The following PPARA variants were observed in gnomAD, a reference collection of about 807,000 sequenced individuals.
PPARA encodes the protein peroxisome proliferator-activated receptor alpha.
Under a neutral mutation model 42.2 loss-of-function variants are expected in PPARA, and 22 were observed. That is an observed-to-expected ratio of 0.52 (90% CI 0.37 to 0.74). The LOEUF is 0.74. Among genes scored for constraint, PPARA ranks in the 30% least tolerant of loss-of-function variants. PPARA has a pLI of 0.00. For missense variants in PPARA, 465 were observed against 608.2 expected (o/e 0.76, Z 2.48); for synonymous variants, 242 against 239.3 (o/e 1.01, Z -0.10).
At position 46,242,601 on chromosome 22, in the gene PPARA, G is replaced by A. The variant is rs1936401648; in HGVS notation, c.*7221G>A. 6.6e-6 allele frequency: 1 copy of A among 152,520 alleles called. No individual in the cohort carries two copies. The highest frequency in any genetic ancestry group is 1.5e-5 in the Non-Finnish European group (1 of 68,018). The allele number at this position is 152,520 out of a possible 1,614,324, so 9.4% of individuals were successfully genotyped here. ...TAACTTACAATCACTCATTTAATAA[G>A]AAACATTTGGATTCTTTTGAAATCA... On this transcript the variant is annotated 3_prime_UTR_variant, in exon 9 of 9. Coordinates refer to ENST00000407236, the MANE Select transcript of PPARA (RefSeq NM_005036.6). This position sits in a 1 kb window ranked among gnomAD's most constrained non-coding sequence, Gnocchi z 6.1.
rs949328033 is a variant in PPARA at position 46,204,726 on chromosome 22, A to G, written c.208+6135A>G. Among the ~76,000 whole-genome samples, 1 of 152,130 alleles carries G rather than the reference A, an allele frequency of 6.6e-6. No individual in the cohort carries two copies. Among genetic ancestry groups the G allele is most frequent in the Non-Finnish European group, 1.5e-5 (1 of 68,024 alleles). On this transcript the variant is annotated intron_variant, in intron 4 of 8. Coordinates refer to ENST00000407236, the MANE Select transcript of PPARA (RefSeq NM_005036.6). The surrounding 1 kb of genome is among the most constrained non-coding windows in gnomAD (Gnocchi z 5.2). The stretch of plus-strand genomic sequence containing the variant: ...TTGAGTTGCTTTTCTACTATTCACT[A>G]TTGAACACTATTTATATATTTTGAA...
Position 46,200,674 on chromosome 22 carries a change from G to A in PPARA, c.208+2083G>A, listed in dbSNP as rs1014575006. Among the ~76,000 whole-genome samples the A allele has an allele frequency of 2.0e-5, 3 of 152,254 alleles. No individual in the cohort carries two copies. The highest frequency in any genetic ancestry group is 7.2e-5 in the African/African-American group (3 of 41,472). ...CTCACGCCTGTAATCCCAACACTTTGGGAGGCTGAGGCAGGCGGATCACCC... is the reference window on the plus strand; with the variant it reads ...CTCACGCCTGTAATCCCAACACTTTAGGAGGCTGAGGCAGGCGGATCACCC... On this transcript the variant is annotated intron_variant, in intron 4 of 8. Coordinates refer to ENST00000407236, the MANE Select transcript of PPARA (RefSeq NM_005036.6). This position sits in a 1 kb window ranked among gnomAD's most constrained non-coding sequence, Gnocchi z 4.8.
rs1017538704 is a variant in PPARA at position 46,182,664 on chromosome 22, A to G, written c.-43+5828A>G. On this transcript the variant is annotated intron_variant, in intron 3 of 8. Coordinates refer to ENST00000407236, the MANE Select transcript of PPARA (RefSeq NM_005036.6). The surrounding 1 kb of genome is among the most constrained non-coding windows in gnomAD (Gnocchi z 5.2). ...TCACAGGTTGATACATACGGCAAAA[A>G]ATACCAAATTTGTACACTTTAAATA... 6.6e-6 allele frequency among the ~76,000 whole-genome samples: 1 copy of G among 152,152 alleles called. No individual in the cohort carries two copies. Among genetic ancestry groups the G allele is most frequent in the Non-Finnish European group, 1.5e-5 (1 of 68,032 alleles).
rs1930047117 is a variant in PPARA at position 46,182,048 on chromosome 22, A to G, written c.-43+5212A>G. 2.6e-5 allele frequency among the ~76,000 whole-genome samples: 4 copies of G among 152,140 alleles called. No individual in the cohort carries two copies. In the South Asian group the frequency reaches 8.3e-4, roughly 32 times the overall value. ...TTTAGTAGAGACGGGGTTTTGCCAC[A>G]TTGGCCAGGCTGGTCTTGAACTCCT... is the stretch of plus-strand genomic sequence containing the variant. On this transcript the variant is annotated intron_variant, in intron 3 of 8. Coordinates refer to ENST00000407236, the MANE Select transcript of PPARA (RefSeq NM_005036.6). This position sits in a 1 kb window ranked among gnomAD's most constrained non-coding sequence, Gnocchi z 5.2.
In PPARA at chr22:46,188,546, G is replaced by A. The variant is rs1457549290; in HGVS notation, c.-42-9796G>A. ...TACCTCTCACCTGCTAGTTGGGCAAGTTACTCACTTCTCTCAACCTCTGCA... is the reference window on the plus strand; with the variant it reads ...TACCTCTCACCTGCTAGTTGGGCAAATTACTCACTTCTCTCAACCTCTGCA... On this transcript the variant is annotated intron_variant, in intron 3 of 8. Coordinates refer to ENST00000407236, the MANE Select transcript of PPARA (RefSeq NM_005036.6). The surrounding 1 kb of genome is among the most constrained non-coding windows in gnomAD (Gnocchi z 5.0). 1.3e-5 allele frequency among the ~76,000 whole-genome samples: 2 copies of A among 152,118 alleles called. No homozygotes were observed. Among genetic ancestry groups the A allele is most frequent in the Admixed American group, 6.5e-5 (1 of 15,268 alleles).
intron 4 of PPARA, 130 bp downstream of exon 4, chr22:46,198,721 C>G (rs1356744356): frequency 8.5e-6 from 8 of 941,736 alleles, no homozygotes; most frequent in South Asian, 1.4e-5. Flanking sequence ...AGTGCAATGG[C>G]TCGATCTCGG....
rs199549582 is a variant in PPARA at position 46,226,160 on chromosome 22, T to C, written c.712-5632T>C. 8.2e-4 allele frequency among the ~76,000 whole-genome samples: 64 copies of C among 77,802 alleles called. No individual in the cohort carries two copies. The South Asian group carries it at 0.01, about 13-fold the overall frequency. 51.0% of individuals were successfully genotyped at this position (77,802 alleles called of 152,430 possible). A position where few individuals can be genotyped will look rare whatever the true frequency, so the allele number is the denominator to read the frequency against. On this transcript the variant is annotated intron_variant, in intron 7 of 8. Transcript: ENST00000407236. Reference sequence around the variant, plus strand: ...CCACACATATACAAGCATGCACACATATATATATATACACATGCTCACACG... The same window carrying C: ...CCACACATATACAAGCATGCACACACATATATATATACACATGCTCACACG...
In PPARA at chr22:46,238,782, C is replaced by T. The variant is rs1936288411; in HGVS notation, c.*3402C>T. 6.6e-6 allele frequency: 1 copy of T among 152,636 alleles called. No homozygotes were observed. Among genetic ancestry groups the T allele is most frequent in the Admixed American group, 6.5e-5 (1 of 15,298 alleles). The allele number at this position is 152,636 out of a possible 1,614,324, so 9.5% of individuals were successfully genotyped here. A position where few individuals can be genotyped will look rare whatever the true frequency, so the allele number is the denominator to read the frequency against. On this transcript the variant is annotated 3_prime_UTR_variant, in exon 9 of 9. Coordinates refer to ENST00000407236, the MANE Select transcript of PPARA (RefSeq NM_005036.6). This position sits in a 1 kb window ranked among gnomAD's most constrained non-coding sequence, Gnocchi z 8.3. The stretch of plus-strand genomic sequence containing the variant: ...CTCCTGGCACTTCCAGCTGGGTGTC[C>T]CACATGTTGGATTCCGTCCCCACCA...
intron 4 of PPARA, among the ~76,000 whole-genome samples, chr22:46,214,803 A>T (rs1439031845): frequency 2.0e-5 from 3 of 149,002 alleles, no homozygotes; most frequent in African/African-American, 7.4e-5. Context: ...AGATGCTCAG[A>T]TCGAAGATGT....
In PPARA at chr22:46,231,922, TGGAGA is replaced by T. The variant is rs1935900472; in HGVS notation, c.843_847del (p.Glu282ArgfsTer32). On this transcript the variant is annotated frameshift_variant, in exon 8 of 9. Transcript: ENST00000407236. LOFTEE classifies it high-confidence loss of function. The surrounding 1 kb of genome is among the most constrained non-coding windows in gnomAD (Gnocchi z 7.7). ...TTTCACTGCTGCCAGTGCACGTCAG[TGGAGA>T]CCGTCACGGAGCTCACGGAATTCGC... The T allele has an allele frequency of 6.2e-7, 1 of 1,614,110 alleles. No homozygotes were observed. The highest frequency in any genetic ancestry group is 1.3e-5 in the African/African-American group (1 of 74,940).
chr22:46,217,057 C>T (rs751337729), intron 5 of PPARA, among the ~76,000 whole-genome samples: 5 of 152,188 alleles, frequency 3.3e-5, no homozygotes, highest in Non-Finnish European at 7.3e-5. Flanking sequence ...GCCTCAGAGG[C>T]CTGGGCCACA....
intron 2 of PPARA, chr22:46,164,206 C>T (rs749128471): frequency 4.0e-5 from 6 of 151,620 alleles, no homozygotes; most frequent in Non-Finnish European, 7.4e-5. Flanking sequence ...GAGATTCTGC[C>T]TCAAAATAAA....
At chr22:46,158,937 T>C (rs1313151214) in intron 2 of PPARA, among the ~76,000 whole-genome samples, 1 of 152,132 alleles carries the variant, frequency 6.6e-6, no homozygotes, top group Non-Finnish European at 1.5e-5. Context: ...CTGCCCAGGC[T>C]GGAGTGCACT....
At position 46,223,320 on chromosome 22, in the gene PPARA, G is replaced by A. The variant is rs531840538; in HGVS notation, c.711+3306G>A. On this transcript the variant is annotated intron_variant, in intron 7 of 8. Transcript: ENST00000407236. ...GGGTCACATGCAGCAACTAGCAGGC[G>A]GGAATCTGTTTGCATTTTGGCCTTA... Among the ~76,000 whole-genome samples, 13 of 152,160 alleles carry A rather than the reference G, an allele frequency of 8.5e-5. No homozygotes were observed. In the South Asian group the frequency reaches 1.9e-3, roughly 22 times the overall value.
At position 46,221,767 on chromosome 22, in the gene PPARA, T is replaced by C. The variant is rs1001788658; in HGVS notation, c.711+1753T>C. Reference sequence around the variant, plus strand: ...TGAGCCGAGATCGTGCCACTGCACTTCCAGCCTGGGCGACAAAGCCAGCTG... The same window carrying C: ...TGAGCCGAGATCGTGCCACTGCACTCCCAGCCTGGGCGACAAAGCCAGCTG... On this transcript the variant is annotated intron_variant, in intron 7 of 8. Transcript: ENST00000407236. This position sits in a 1 kb window ranked among gnomAD's most constrained non-coding sequence, Gnocchi z 5.9. Among the ~76,000 whole-genome samples the C allele has an allele frequency of 6.6e-6, 1 of 150,422 alleles. No individual in the cohort carries two copies. The highest frequency in any genetic ancestry group is 2.5e-5 in the African/African-American group (1 of 40,588).
Position 46,167,704 on chromosome 22 carries a change from C to T in PPARA, c.-126-9049C>T, listed in dbSNP as rs925423508. Among the ~76,000 whole-genome samples, 1 of 151,988 alleles carries T rather than the reference C, an allele frequency of 6.6e-6. No homozygotes were observed. The highest frequency in any genetic ancestry group is 1.5e-5 in the Non-Finnish European group (1 of 68,010). On this transcript the variant is annotated intron_variant, in intron 2 of 8. Transcript: ENST00000407236. This position sits in a 1 kb window ranked among gnomAD's most constrained non-coding sequence, Gnocchi z 4.1. Reference sequence around the variant, plus strand: ...TCAGAAGAAAACATATGAGAAAATTCTAGTGATTTGGGGTTTGGCAAAGAT... The same window carrying T: ...TCAGAAGAAAACATATGAGAAAATTTTAGTGATTTGGGGTTTGGCAAAGAT...
At position 46,226,538 on chromosome 22, in the gene PPARA, A is replaced by C. The variant is rs1935468524; in HGVS notation, c.712-5254A>C. 2.0e-5 allele frequency among the ~76,000 whole-genome samples: 3 copies of C among 152,222 alleles called. No individual in the cohort carries two copies. The South Asian group carries it at 6.2e-4, about 32-fold the overall frequency. ...TCCAAATTGTTGGGGATTATCTTAAAGTCTTTGAATAGCTTCAGTTATGGA... is the reference window on the plus strand; with the variant it reads ...TCCAAATTGTTGGGGATTATCTTAACGTCTTTGAATAGCTTCAGTTATGGA... On this transcript the variant is annotated intron_variant, in intron 7 of 8. Coordinates refer to ENST00000407236, the MANE Select transcript of PPARA (RefSeq NM_005036.6).
In PPARA at chr22:46,184,511, T is replaced by G. The variant is rs1295152696; in HGVS notation, c.-43+7675T>G. ...GGTCAGAAGCCAGTTTCCTCCCATA[T>G]TTAGAAGGTTTCCAACTGTTATCTT... On this transcript the variant is annotated intron_variant, in intron 3 of 8. Transcript: ENST00000407236. The surrounding 1 kb of genome is among the most constrained non-coding windows in gnomAD (Gnocchi z 4.4). 6.6e-6 allele frequency among the ~76,000 whole-genome samples: 1 copy of G among 152,194 alleles called. No homozygotes were observed. The highest frequency in any genetic ancestry group is 1.5e-5 in the Non-Finnish European group (1 of 68,028).
At chr22:46,177,418 C>T (rs534121615) in intron 3 of PPARA, among the ~76,000 whole-genome samples, 12 of 148,738 alleles carry the variant, frequency 8.1e-5, no homozygotes, top group South Asian at 4.3e-4. Context: ...GAGCTGAGAC[C>T]GTGCCACTGC....
Sources: gnomAD v4.1 joint callset for allele counts (sites outside exome capture counted in the v4.1 genomes callset) on GRCh38, gnomAD v4.1.1 for gene constraint, Gnocchi (gnomAD v3.1) non-coding constraint, MANE v1.5 for transcripts, NCBI Gene and HGNC (gene_info 2026-07-23, HGNC 2026-07-21) for gene names.